The following LUC7L3 variants were observed in gnomAD, a reference collection of about 807,000 sequenced individuals.
LUC7L3 encodes luc7-like protein 3.
LUC7L3 carries 6 observed loss-of-function variants against 66.8 expected under a neutral mutation model. The observed-to-expected ratio is 0.09, with a 90% CI of 0.05 to 0.18. The LOEUF is 0.18. Among genes scored for constraint, LUC7L3 ranks in the 10% least tolerant of loss-of-function variants. The pLI is 1.00. For missense variants in LUC7L3, 341 were observed against 531.1 expected, an observed-to-expected ratio of 0.64 and a Z score of 3.52; for synonymous variants, 160 against 174.7, an observed-to-expected ratio of 0.92 and a Z score of 0.66.
intron 3 of LUC7L3, 124 bp from the exon 4 acceptor site, chr17:50,740,978 C>A: frequency 4.3e-6 from 4 of 923,922 alleles, no homozygotes; most frequent in African/African-American, 1.6e-5. Context: ...AAAGTCACTT[C>A]AAATACACCT....
chr17:50,746,737 C>T lies in LUC7L3; in HGVS notation c.1138+35C>T, dbSNP rs775080981. The T allele has an allele frequency of 3.8e-6, 6 of 1,583,778 alleles. No individual in the cohort carries two copies. The African/African-American group carries it at 6.8e-5, about 18-fold the overall frequency. On this transcript the variant is annotated intron_variant, in intron 9 of 9. Coordinates refer to ENST00000505658, the MANE Select transcript of LUC7L3 (RefSeq NM_016424.5). ...TATGAGAATTCAGTTCATTAAGAAA[C>T]TTTTCACACCCTAATCGCCCCACTC...
At position 50,751,024 on chromosome 17, in the gene LUC7L3, T is replaced by C. The variant is rs1015661041; in HGVS notation, c.*363T>C. ...TTTTTTTAATAAAAAGGTTGAACTG[T>C]TTTTTTTTTTCTTTTTGGTATTAAG... On this transcript the variant is annotated 3_prime_UTR_variant, in exon 10 of 10. Transcript: ENST00000505658. The C allele has an allele frequency of 1.3e-5, 14 of 1,099,266 alleles. No homozygotes were observed. In the East Asian group the frequency reaches 3.2e-4, roughly 25 times the overall value. The allele number at this position is 1,099,266 out of a possible 1,614,324, so 68.1% of individuals were successfully genotyped here.
In LUC7L3 at chr17:50,752,266, A is replaced by T; in HGVS notation, c.*1605A>T. 7.9e-7 allele frequency: 1 copy of T among 1,262,384 alleles called. No homozygotes were observed. Among genetic ancestry groups the T allele is most frequent in the South Asian group, 1.3e-5 (1 of 78,128 alleles). The allele number at this position is 1,262,384 out of a possible 1,614,324, so 78.2% of individuals were successfully genotyped here. A position where few individuals can be genotyped will look rare whatever the true frequency, so the allele number is the denominator to read the frequency against. On this transcript the variant is annotated 3_prime_UTR_variant, in exon 10 of 10. Coordinates refer to ENST00000505658, the MANE Select transcript of LUC7L3 (RefSeq NM_016424.5). ...ATAAAGTGAAGATCGACATTTAAAA[A>T]ATGAGGTGAAAGAAAGCTATAGTGG...
At position 50,745,765 on chromosome 17, in the gene LUC7L3, C is replaced by G. The variant is rs778739837; in HGVS notation, c.739C>G (p.Leu247Val). ...CGAAGAACCTGATCGTGATGAGCGT[C>G]TAAAAAAGGAGAAGCAAGAAAGAGA... is the stretch of plus-strand genomic sequence containing the variant. ...RTEEPDRDER[L>V]KKEKQEREER... The change falls in exon 8 of 10, where the codon CTA (leucine) becomes GTA (valine). Residue 247 changes from leucine to valine, a missense_variant. This residue lies in a region of LUC7L3 where 210 missense variants were observed against 238.1 expected (regional missense o/e 0.88). Coordinates refer to ENST00000505658, the MANE Select transcript of LUC7L3 (RefSeq NM_016424.5). 1 of 1,593,106 alleles carries G rather than the reference C, an allele frequency of 6.3e-7. No homozygotes were observed. The highest frequency in any genetic ancestry group is 8.5e-7 in the Non-Finnish European group (1 of 1,174,658).
intron 1 of LUC7L3, among the ~76,000 whole-genome samples, chr17:50,726,787 T>C (rs1969217327): frequency 6.6e-6 from 1 of 152,172 alleles, no homozygotes; most frequent in Non-Finnish European, 1.5e-5. Flanking sequence ...TAGCTTACTT[T>C]ATTGTAAGAA....
intron 1 of LUC7L3, among the ~76,000 whole-genome samples, chr17:50,735,786 C>T (rs968421429): frequency 1.3e-5 from 2 of 152,160 alleles, no homozygotes; most frequent in Non-Finnish European, 2.9e-5. Flanking sequence ...GTGTGAGCCA[C>T]CATGCCTGAC....
rs1365575478 is a variant in LUC7L3, at chr17:50,754,880, CCTT to C, written c.*4222_*4224del. The stretch of plus-strand genomic sequence containing the variant: ...ACCACATATTGGTTGAGCTCAGCCA[CCTT>C]CTGATTAAAGTTTTCAGACTTGTAA... On this transcript the variant is annotated 3_prime_UTR_variant, in exon 10 of 10. Coordinates refer to ENST00000505658, the MANE Select transcript of LUC7L3 (RefSeq NM_016424.5). 9.9e-5 allele frequency: 15 copies of C among 152,092 alleles called. No individual in the cohort carries two copies. The highest frequency in any genetic ancestry group is 2.7e-4 in the African/African-American group (11 of 41,404). The allele number at this position is 152,092 out of a possible 1,614,324, so 9.4% of individuals were successfully genotyped here. A position where few individuals can be genotyped will look rare whatever the true frequency, so the allele number is the denominator to read the frequency against.
intron 4 of LUC7L3, 56 bp downstream of exon 4, chr17:50,741,302 G>T: frequency 6.5e-7 from 1 of 1,534,924 alleles, no homozygotes; most frequent in Non-Finnish European, 8.9e-7. Context: ...GAGATTCAGA[G>T]ACCTCCCTAA....
chr17:50,737,172 T>A, intron 2 of LUC7L3, 146 bp downstream of exon 2: 1 of 641,344 alleles, frequency 1.6e-6, no homozygotes, highest in South Asian at 1.9e-5. Flanking sequence ...TTGGTTTAGA[T>A]ATTTGAATGT....
Position 50,751,635 on chromosome 17 carries a change from A to T in LUC7L3, c.*974A>T, listed in dbSNP as rs1970978579. 1.8e-6 allele frequency: 2 copies of T among 1,120,252 alleles called. No homozygotes were observed. Among genetic ancestry groups the T allele is most frequent in the Non-Finnish European group, 2.2e-6 (2 of 906,058 alleles). 69.4% of individuals were successfully genotyped at this position (1,120,252 alleles called of 1,614,324 possible). ...TCATATTATTCGCCTTGTTACACTC[A>T]ATGCAATTCTCAAGTCTATAAGAGG... On this transcript the variant is annotated 3_prime_UTR_variant, in exon 10 of 10. Coordinates refer to ENST00000505658, the MANE Select transcript of LUC7L3 (RefSeq NM_016424.5).
rs755605025 is a variant in LUC7L3 at position 50,744,830 on chromosome 17, G to C, written c.693+17G>C. On this transcript the variant is annotated intron_variant, in intron 7 of 9. Transcript: ENST00000505658. ...GAATTAAAAGTAAGTTTTTTTGTTTGTTTTGAGGCAGATTCTTGCTCTGTC... is the reference window on the plus strand; with the variant it reads ...GAATTAAAAGTAAGTTTTTTTGTTTCTTTTGAGGCAGATTCTTGCTCTGTC... The C allele has an allele frequency of 2.5e-6, 4 of 1,604,032 alleles. No homozygotes were observed. The highest frequency in any genetic ancestry group is 1.3e-5 in the African/African-American group (1 of 74,244).
At chr17:50,740,402 A>T in intron 3 of LUC7L3, 57 bp downstream of exon 3, 1 of 1,480,374 alleles carries the variant, frequency 6.8e-7, no homozygotes, top group Non-Finnish European at 9.3e-7. Flanking sequence ...TTTAAGTGGG[A>T]CAAGGGTTGA....
In LUC7L3 at chr17:50,743,795, A is replaced by G. The variant is rs992393062; in HGVS notation, c.516A>G (p.Leu172=). 6.2e-7 allele frequency: 1 copy of G among 1,612,632 alleles called. No individual in the cohort carries two copies. Among genetic ancestry groups the G allele is most frequent in the East Asian group, 2.2e-5 (1 of 44,844 alleles). The change falls in exon 6 of 10, where the codon CTA becomes CTG. Residue 172 remains leucine (L), a synonymous_variant. Coordinates refer to ENST00000505658, the MANE Select transcript of LUC7L3 (RefSeq NM_016424.5). Reference sequence around the variant, plus strand: ...AATTAAAAGAAGAGAGAGAACTGCTAAGGTCCACAACGTCGGTGAGTAAAC... The same window carrying G: ...AATTAAAAGAAGAGAGAGAACTGCTGAGGTCCACAACGTCGGTGAGTAAAC... ...VEQLKEEREL[L]RSTTSTIESF... is the part of the protein sequence containing the mutation.
At chr17:50,750,012 TC>T (rs1449073073) in intron 9 of LUC7L3, among the ~76,000 whole-genome samples, 4 of 152,212 alleles carry the variant, frequency 2.6e-5, no homozygotes, top group Admixed American at 6.5e-5. Context: ...TCTTGGATAT[TC>T]AAATATATAT....
intron 3 of LUC7L3, 28 bp downstream of exon 3, chr17:50,740,373 C>T (rs757181522): frequency 6.3e-7 from 1 of 1,594,740 alleles, no homozygotes; most frequent in South Asian, 1.1e-5. Context: ...TCATTTCCAC[C>T]CCCCCAGTTA....
intron 8 of LUC7L3, among the ~76,000 whole-genome samples, 173 bp downstream of exon 8, chr17:50,746,176 ACT>A (rs1970655289): frequency 6.6e-6 from 1 of 152,198 alleles, no homozygotes; most frequent in Admixed American, 6.5e-5. Context: ...CTTCGGGGCA[ACT>A]TCTGTGCCAT....
chr17:50,745,617 T>C lies in LUC7L3; in HGVS notation c.694-103T>C. On this transcript the variant is annotated intron_variant, in intron 7 of 9. Transcript: ENST00000505658. ...AATGTCTACATTTCCCTTAAGGGCA[T>C]CAATTCCATAAGTTGGTCTACAGAT... 3.8e-6 allele frequency: 3 copies of C among 799,442 alleles called. No individual in the cohort carries two copies. The South Asian group carries it at 5.5e-5, about 15-fold the overall frequency. The allele number at this position is 799,442 out of a possible 1,614,324, so 49.5% of individuals were successfully genotyped here. A position where few individuals can be genotyped will look rare whatever the true frequency, so the allele number is the denominator to read the frequency against.
Position 50,750,910 on chromosome 17 carries a change from CTT to C in LUC7L3, c.*251_*252del. On this transcript the variant is annotated 3_prime_UTR_variant, in exon 10 of 10. Coordinates refer to ENST00000505658, the MANE Select transcript of LUC7L3 (RefSeq NM_016424.5). ...GACTCGTGCCCCCATTAGTGTGCCTCTTTGGAAATTATCGCCCACATTTGTAA... is the reference window on the plus strand; with the variant it reads ...GACTCGTGCCCCCATTAGTGTGCCTCTGGAAATTATCGCCCACATTTGTAA... 6.5e-7 allele frequency: 1 copy of C among 1,534,632 alleles called. No individual in the cohort carries two copies. The highest frequency in any genetic ancestry group is 8.7e-7 in the Non-Finnish European group (1 of 1,146,514).
intron 1 of LUC7L3, among the ~76,000 whole-genome samples, chr17:50,724,764 T>TC (rs1969060008): frequency 6.8e-6 from 1 of 147,498 alleles, no homozygotes; most frequent in East Asian, 2.0e-4. Flanking sequence ...CTCTTTTTTT[T>TC]TTTTTTTTTA....
Sources: allele counts gnomAD v4.1 joint callset (sites outside exome capture counted in the v4.1 genomes callset), GRCh38; gene constraint gnomAD v4.1.1; regional missense constraint gnomAD v4.1.1; transcripts MANE v1.5; gene names NCBI Gene and HGNC (gene_info 2026-07-23, HGNC 2026-07-21).